GPATCH3: variants seen among roughly 807,000 people sequenced by gnomAD.
The protein encoded by GPATCH3 is G-patch domain containing 3.
GPATCH3 carries 45 observed loss-of-function variants against 53.2 expected under a neutral mutation model. The ratio of observed to expected loss-of-function variants is 0.85; its 90% CI spans 0.67 to 1.08. GPATCH3 has a LOEUF of 1.08. Ranked by LOEUF, GPATCH3 falls within the 50% of genes least tolerant of loss-of-function variation. The pLI, the probability that GPATCH3 is intolerant of heterozygous loss-of-function variation, is 0.00. For missense variants in GPATCH3, 680 were observed against 687.2 expected, an observed-to-expected ratio of 0.99 and a Z score of 0.12; for synonymous variants, 280 against 270.6, an observed-to-expected ratio of 1.03 and a Z score of -0.34.
intron 2 of GPATCH3, among the ~76,000 whole-genome samples, chr1:26,896,568 C>T (rs2081951889): frequency 6.7e-6 from 1 of 148,608 alleles, no homozygotes; most frequent in Non-Finnish European, 1.5e-5. Flanking sequence ...GGCGTGGTGG[C>T]ACATGCCTGA....
chr1:26,896,576 T>C lies in GPATCH3; in HGVS notation c.876+725A>G, dbSNP rs558047386. ...TTAGCCGGGCGTGGTGGCACATGCC[T>C]GAAGTCCCAGCTTACTCGGGAGGCT... On this transcript the variant is annotated intron_variant, in intron 2 of 6. Transcript: ENST00000361720. Among the ~76,000 whole-genome samples, 4 of 148,870 alleles carry C rather than the reference T, an allele frequency of 2.7e-5. No homozygotes were observed. In the South Asian group the frequency reaches 8.5e-4, roughly 32 times the overall value.
chr1:26,890,700 C>T lies in GPATCH3; in HGVS notation c.*310G>A, dbSNP rs1414449218. 3 of 531,696 alleles carry T rather than the reference C, an allele frequency of 5.6e-6. No homozygotes were observed. The highest frequency in any genetic ancestry group is 1.1e-5 in the Non-Finnish European group (3 of 275,752). 32.9% of individuals were successfully genotyped at this position (531,696 alleles called of 1,614,324 possible). A position where few individuals can be genotyped will look rare whatever the true frequency, so the allele number is the denominator to read the frequency against. On this transcript the variant is annotated 3_prime_UTR_variant, in exon 7 of 7. Transcript: ENST00000361720. ...ACACCTTCAGAGTCCCCAAGGAAGG[C>T]TGTGCTGATAGCCTCACTCAACCCA...
In GPATCH3 at chr1:26,890,727, C is replaced by T; in HGVS notation, c.*283G>A. The stretch of plus-strand genomic sequence containing the variant: ...GTGCTGATAGCCTCACTCAACCCAG[C>T]TTTTCAAAGTTCTGCAGGAGGCAAA... On this transcript the variant is annotated 3_prime_UTR_variant, in exon 7 of 7. Transcript: ENST00000361720. 1.6e-6 allele frequency: 1 copy of T among 616,976 alleles called. No individual in the cohort carries two copies. Among genetic ancestry groups the T allele is most frequent in the Non-Finnish European group, 3.1e-6 (1 of 323,760 alleles). The allele number at this position is 616,976 out of a possible 1,614,324, so 38.2% of individuals were successfully genotyped here.
chr1:26,896,984 T>C (rs2081953778), intron 2 of GPATCH3, among the ~76,000 whole-genome samples: 3 of 148,772 alleles, frequency 2.0e-5, no homozygotes, highest in Non-Finnish European at 4.4e-5. Context: ...ATCGTGCCAC[T>C]GCACTCCAGC....
At chr1:26,892,985 G>C in intron 4 of GPATCH3, 194 bp from the exon 5 acceptor site, 2 of 645,342 alleles carry the variant, frequency 3.1e-6, no homozygotes, top group Non-Finnish European at 5.3e-6. Context: ...TTGTGGTGCA[G>C]AAAAGTAACA....
At position 26,897,690 on chromosome 1, in the gene GPATCH3, G is replaced by C. The variant is rs1473113712; in HGVS notation, c.487C>G (p.Leu163Val). The C allele has an allele frequency of 1.9e-6, 3 of 1,613,888 alleles. No individual in the cohort carries two copies. The Admixed American group carries it at 5.0e-5, about 27-fold the overall frequency. ...GSFPFKTRKELQSWKAENEAF... is the reference protein window; with the variant it reads ...GSFPFKTRKEVQSWKAENEAF... ...TCATTCTCTGCCTTCCAACTCTGCA[G>C]TTCCTTCCGGGTCTTGAAGGGAAAG... Residue 163 changes from leucine (L) to valine (V), a missense_variant, in exon 2 of 7, where the codon CTG becomes GTG. Coordinates refer to ENST00000361720, the MANE Select transcript of GPATCH3 (RefSeq NM_022078.3).
At chr1:26,893,588 T>C (rs2081938277) in intron 3 of GPATCH3, 140 bp from the exon 4 acceptor site, 2 of 624,130 alleles carry the variant, frequency 3.2e-6, no homozygotes, top group Admixed American at 5.3e-5. Context: ...TGGCATGACC[T>C]TGGCTCACTC....
At position 26,892,448 on chromosome 1, in the gene GPATCH3, T is replaced by C. The variant is rs774284477; in HGVS notation, c.1324A>G (p.Ser442Gly). 2 of 1,613,796 alleles carry C rather than the reference T, an allele frequency of 1.2e-6. No homozygotes were observed. Among genetic ancestry groups the C allele is most frequent in the Non-Finnish European group, 1.7e-6 (2 of 1,179,894 alleles). The change falls in exon 6 of 7, where the codon AGT (serine) becomes GGT (glycine). Residue 442 changes from serine (S) to glycine (G), a missense_variant. Ser to Gly is a moderately conservative substitution (Grantham distance 56, BLOSUM62 0). Coordinates refer to ENST00000361720, the MANE Select transcript of GPATCH3 (RefSeq NM_022078.3). ...RCSGVPEALDSDGQHPRCKRG... is the reference protein window; with the variant it reads ...RCSGVPEALDGDGQHPRCKRG... Reference sequence around the variant, plus strand: ...TTGCATCTGGGGTGTTGGCCATCACTATCCAGGGCCTCAGGCACCCCTGAG... The same window carrying C: ...TTGCATCTGGGGTGTTGGCCATCACCATCCAGGGCCTCAGGCACCCCTGAG...
chr1:26,895,678 C>G (rs2081948151), intron 2 of GPATCH3, among the ~76,000 whole-genome samples: 1 of 151,138 alleles, frequency 6.6e-6, no homozygotes, highest in Admixed American at 6.6e-5. Flanking sequence ...CACTCTATCG[C>G]CCAGGCTGGA....
chr1:26,899,926 A>G, intron 1 of GPATCH3, 66 bp downstream of exon 1: 2 of 1,435,730 alleles, frequency 1.4e-6, no homozygotes, highest in South Asian at 1.2e-5. Context: ...TATCCTCACC[A>G]CTCCTCTGAA....
Position 26,890,537 on chromosome 1 carries a change from C to A in GPATCH3, c.*473G>T. On this transcript the variant is annotated 3_prime_UTR_variant, in exon 7 of 7. Coordinates refer to ENST00000361720, the MANE Select transcript of GPATCH3 (RefSeq NM_022078.3). ...TCCGTGACGTCGCACACCCAAGCCACCTCCCGCGGACTCTCCGCTGGCAGT... is the reference window on the plus strand; with the variant it reads ...TCCGTGACGTCGCACACCCAAGCCAACTCCCGCGGACTCTCCGCTGGCAGT... 3.3e-6 allele frequency: 1 copy of A among 300,796 alleles called. No homozygotes were observed. The allele number at this position is 300,796 out of a possible 1,614,324, so 18.6% of individuals were successfully genotyped here.
chr1:26,893,529 C>CTTTTTTT (rs57218076), intron 3 of GPATCH3, 81 bp from the exon 4 acceptor site: 5 of 373,082 alleles, frequency 1.3e-5, no homozygotes, highest in East Asian at 6.6e-5. Flanking sequence ...GTTTTTTTGG[C>CTTTTTTT]TTTTTTTTTT....
At chr1:26,898,224 G>A (rs1303558612) in intron 1 of GPATCH3, among the ~76,000 whole-genome samples, 1 of 152,158 alleles carries the variant, frequency 6.6e-6, no homozygotes, top group Non-Finnish European at 1.5e-5. Context: ...CTCTCCCCAA[G>A]CGGAACTACA....
Position 26,897,737 on chromosome 1 carries a change from G to A in GPATCH3, c.452-12C>T, listed in dbSNP as rs761070923. 122 of 1,584,892 alleles carry A rather than the reference G, an allele frequency of 7.7e-5. No homozygotes were observed. The highest frequency in any genetic ancestry group is 6.8e-5 in the Non-Finnish European group (79 of 1,167,168). On this transcript the variant is annotated splice_polypyrimidine_tract_variant and intron_variant, in intron 1 of 6. Coordinates refer to ENST00000361720, the MANE Select transcript of GPATCH3 (RefSeq NM_022078.3). ...AAAGGAGCCCAGACCTTGGAAAGGAGGGAGAATAGATCTTGAAACCCAGAA... is the reference window on the plus strand; with the variant it reads ...AAAGGAGCCCAGACCTTGGAAAGGAAGGAGAATAGATCTTGAAACCCAGAA...
In GPATCH3 at chr1:26,897,374, A is replaced by G. The variant is rs932438700; in HGVS notation, c.803T>C (p.Ile268Thr). ...AGGCTCTCCACAGGGGCTGGCTGGT[A>G]TATCTGCCAGGTAGGTTCCTTGGGG... is the stretch of plus-strand genomic sequence containing the variant. ...EIPQGTYLADIPASPCGEPEE... is the reference protein window; with the variant it reads ...EIPQGTYLADTPASPCGEPEE... Residue 268 changes from isoleucine (I) to threonine (T), a missense_variant, in exon 2 of 7, where the codon ATA becomes ACA. By Grantham distance (89) the Ile-to-Thr change is moderately conservative. Coordinates refer to ENST00000361720, the MANE Select transcript of GPATCH3 (RefSeq NM_022078.3). 24 of 1,614,008 alleles carry G rather than the reference A, an allele frequency of 1.5e-5. No homozygotes were observed. The highest frequency in any genetic ancestry group is 1.8e-5 in the Non-Finnish European group (21 of 1,180,046).
chr1:26,897,667 A>G lies in GPATCH3; in HGVS notation c.510T>C (p.Asn170=), dbSNP rs1424473931. The G allele has an allele frequency of 3.1e-6, 5 of 1,614,160 alleles. No individual in the cohort carries two copies. Among genetic ancestry groups the G allele is most frequent in the Non-Finnish European group, 4.2e-6 (5 of 1,180,008 alleles). The change falls in exon 2 of 7, where the codon AAT becomes AAC. Residue 170 remains asparagine (N), a synonymous_variant. Coordinates refer to ENST00000361720, the MANE Select transcript of GPATCH3 (RefSeq NM_022078.3). ...TCAGGTCAGCCAGGGTGAAGGCTTC[A>G]TTCTCTGCCTTCCAACTCTGCAGTT... ...RKELQSWKAE[N]EAFTLADLKQ...
chr1:26,897,916 T>G (rs2081958485), intron 1 of GPATCH3, among the ~76,000 whole-genome samples, 191 bp from the exon 2 acceptor site: 1 of 152,084 alleles, frequency 6.6e-6, no homozygotes, highest in Non-Finnish European at 1.5e-5. Flanking sequence ...GCAGGAGGAT[T>G]GCTTGAGCTC....
chr1:26,895,165 C>T (rs778660474), intron 2 of GPATCH3, among the ~76,000 whole-genome samples: 19 of 152,118 alleles, frequency 1.2e-4, no homozygotes, highest in Non-Finnish European at 1.9e-4. Context: ...CTTGGCTTGA[C>T]GGGACTTGTG....
chr1:26,895,789 C>T (rs1200680608), intron 2 of GPATCH3, among the ~76,000 whole-genome samples: 1 of 151,962 alleles, frequency 6.6e-6, no homozygotes, highest in Non-Finnish European at 1.5e-5. Flanking sequence ...GGCACCACGC[C>T]TGGCTAATTT....
Sources: gnomAD v4.1 joint callset for allele counts (sites outside exome capture counted in the v4.1 genomes callset) on GRCh38, gnomAD v4.1.1 for gene constraint, MANE v1.5 for transcripts, NCBI Gene and HGNC (gene_info 2026-07-23, HGNC 2026-07-21) for gene names.